TPPP2: variants seen among roughly 807,000 people sequenced by gnomAD.
TPPP2 encodes tubulin polymerization promoting protein family member 2, also known as tubulin polymerization-promoting protein family member 2.
A neutral mutation model predicts 13.0 loss-of-function variants in TPPP2; 8 were observed. The ratio of observed to expected loss-of-function variants is 0.62; its 90% CI spans 0.36 to 1.11. The LOEUF (loss-of-function observed/expected upper bound fraction) is 1.11, where lower values mean the gene tolerates loss of function less well. Among genes scored for constraint, TPPP2 ranks in the 50% most tolerant of loss-of-function variants. The pLI is 0.02. For synonymous variants in TPPP2, 81 were observed against 81.8 expected (o/e 0.99, Z 0.05); for missense variants, 213 against 216.9 (o/e 0.98, Z 0.11).
chr14:21,031,822 G>A, intron 3 of TPPP2, 70 bp from the exon 4 acceptor site: 10 of 1,521,104 alleles, frequency 6.6e-6, no homozygotes, highest in Non-Finnish European at 8.9e-6. Context: ...AGTATCTCGG[G>A]CCATCTTTGG....
At chr14:21,029,118 G>C (rs1296638461), upstream of TPPP2, 1 of 152,168 alleles carries the variant, frequency 6.6e-6, no homozygotes, top group Non-Finnish European at 1.5e-5. Flanking sequence ...TATACTCCAA[G>C]GCTTGCTGGG....
upstream of TPPP2, chr14:21,028,587 T>C (rs2139065963): frequency 6.6e-6 from 1 of 152,270 alleles, no homozygotes; most frequent in African/African-American, 2.4e-5. Context: ...TATAGGTCCT[T>C]GAATGCTAAG....
chr14:21,033,634 C>G (rs1416359187), downstream of TPPP2: 15 of 612,080 alleles, frequency 2.5e-5, no homozygotes, highest in Middle Eastern at 7.1e-4. Flanking sequence ...CTGGAAAGAA[C>G]CTAGAAGATA....
At chr14:21,035,964 T>A, downstream of TPPP2, 1 of 400,884 alleles carries the variant, frequency 2.5e-6, no homozygotes. Flanking sequence ...ACACCATCTA[T>A]CTGTTTACGA....
rs770425629 is a variant in TPPP2, at chr14:21,030,728, C to T, written c.147C>T (p.Asp49=). ...IMDGKTVTST[D]VDIVFSKVKA... is the part of the protein sequence containing the mutation. ...ATGGCAAGACAGTCACCTCCACGGACGTGGACATCGTGTTCAGCAAAGTCA... is the reference window on the plus strand; with the variant it reads ...ATGGCAAGACAGTCACCTCCACGGATGTGGACATCGTGTTCAGCAAAGTCA... Residue 49 remains aspartate (D), a synonymous_variant, in exon 2 of 4, where the codon GAC becomes GAT. Coordinates refer to ENST00000321760, the MANE Select transcript of TPPP2 (RefSeq NM_173846.5). 3.8e-5 allele frequency: 61 copies of T among 1,613,974 alleles called. No homozygotes were observed. Among genetic ancestry groups the T allele is most frequent in the South Asian group, 5.5e-5 (5 of 91,070 alleles).
downstream of TPPP2, chr14:21,034,364 TC>T: frequency 9.7e-7 from 1 of 1,032,462 alleles, no homozygotes; most frequent in Non-Finnish European, 1.4e-6. Context: ...TCCCAGAGCC[TC>T]CAGCATTCCC....
At chr14:21,035,756 C>T (rs1469789730), downstream of TPPP2, 1 of 456,276 alleles carries the variant, frequency 2.2e-6, no homozygotes, top group South Asian at 1.5e-5. Flanking sequence ...AATCCATCCT[C>T]CCCATAACTT....
At chr14:21,032,961 A>G (rs1220067480), downstream of TPPP2, 2 of 455,970 alleles carry the variant, frequency 4.4e-6, no homozygotes, top group Non-Finnish European at 8.8e-6. Context: ...TTAGAAATTT[A>G]TGTTCGATTA....
intron 1 of TPPP2, 88 bp from the exon 2 acceptor site, chr14:21,030,425 G>T: frequency 2.7e-6 from 2 of 729,120 alleles, no homozygotes; most frequent in Non-Finnish European, 4.5e-6. Context: ...GGAGCTGGGA[G>T]GGAGAAAGGA....
rs1884315002 is a variant in TPPP2, at chr14:21,032,808, C to T, written c.*731C>T. 2.6e-6 allele frequency: 1 copy of T among 384,716 alleles called. No individual in the cohort carries two copies. 23.8% of individuals were successfully genotyped at this position (384,716 alleles called of 1,614,324 possible). A position where few individuals can be genotyped will look rare whatever the true frequency, so the allele number is the denominator to read the frequency against. ...TGAAGAAAAAGCAATTAAATCACAA[C>T]AGAGTCAGATGTGTGTTATTAACTT... On this transcript the variant is annotated 3_prime_UTR_variant, in exon 4 of 4. Coordinates refer to ENST00000321760, the MANE Select transcript of TPPP2 (RefSeq NM_173846.5).
chr14:21,024,949 G>C (rs2297062), intron 1 of TPPP2: 1 of 985,512 alleles, frequency 1.0e-6, no homozygotes, highest in Non-Finnish European at 1.2e-6. Context: ...AGCTCCAGGG[G>C]ACGCGGATCA....
intron 1 of TPPP2, chr14:21,024,888 T>G (rs891094332): frequency 6.1e-6 from 6 of 985,600 alleles, no homozygotes; most frequent in Non-Finnish European, 7.2e-6. Flanking sequence ...TCAGCCTTTG[T>G]GCGCAGCAAC....
At position 21,032,152 on chromosome 14, in the gene TPPP2, C is replaced by A; in HGVS notation, c.*75C>A. 6.8e-7 allele frequency: 1 copy of A among 1,480,376 alleles called. No homozygotes were observed. The highest frequency in any genetic ancestry group is 9.4e-7 in the Non-Finnish European group (1 of 1,065,266). The allele number at this position is 1,480,376 out of a possible 1,614,324, so 91.7% of individuals were successfully genotyped here. ...ACCAGGGAGCTTGGAAAACAATAAA[C>A]ATCTGTGTGTGCAGCAGCCAAAATC... On this transcript the variant is annotated 3_prime_UTR_variant, in exon 4 of 4. Coordinates refer to ENST00000321760, the MANE Select transcript of TPPP2 (RefSeq NM_173846.5).
At position 21,030,585 on chromosome 14, in the gene TPPP2, G is replaced by A. The variant is rs757325397; in HGVS notation, c.4G>A (p.Ala2Thr). 4 of 1,613,348 alleles carry A rather than the reference G, an allele frequency of 2.5e-6. No individual in the cohort carries two copies. The highest frequency in any genetic ancestry group is 2.2e-5 in the South Asian group (2 of 90,780). Residue 2 changes from alanine (A) to threonine (T), a missense_variant, in exon 2 of 4, where the codon GCA (alanine) becomes ACA (threonine). Ala to Thr is a moderately conservative substitution (Grantham distance 58). Transcript: ENST00000321760. Reference sequence around the variant, plus strand: ...CCTCCCCGACCTCTAGCTGACCATGGCATCAGAGGCAGAAAAAACATTCCA... The same window carrying A: ...CCTCCCCGACCTCTAGCTGACCATGACATCAGAGGCAGAAAAAACATTCCA... M[A>T]SEAEKTFHRF...
chr14:21,033,565 T>C (rs28532031), downstream of TPPP2: 632 of 539,250 alleles, frequency 1.2e-3, 3 homozygotes, highest in African/African-American at 0.011. Context: ...GGGTGGGTTT[T>C]ACTGTCTCTG....
chr14:21,035,401 G>A (rs1884553324), downstream of TPPP2, among the ~76,000 whole-genome samples: 1 of 152,170 alleles, frequency 6.6e-6, no homozygotes, highest in Non-Finnish European at 1.5e-5. Flanking sequence ...GCCATGCTGG[G>A]GAAAGGGCCA....
chr14:21,031,783 C>G (rs952391687), intron 3 of TPPP2, 109 bp from the exon 4 acceptor site: 41 of 1,263,100 alleles, frequency 3.2e-5, no homozygotes, highest in Middle Eastern at 2.4e-4. Flanking sequence ...ATGCCAGTGG[C>G]AGAGCAAGAG....
At chr14:21,033,888 A>G, downstream of TPPP2, 1 of 1,614,042 alleles carries the variant, frequency 6.2e-7, no homozygotes, top group Non-Finnish European at 8.5e-7. Context: ...GAGTAGGTAG[A>G]GCTTCTGGTT....
At chr14:21,034,880 C>T (rs1884516387), downstream of TPPP2, 1 of 153,028 alleles carries the variant, frequency 6.5e-6, no homozygotes, top group Admixed American at 6.5e-5. Flanking sequence ...ATCTGGTCTC[C>T]TCCTCTACAG....
Sources: gnomAD v4.1 joint callset for allele counts (sites outside exome capture counted in the v4.1 genomes callset) on GRCh38, gnomAD v4.1.1 for gene constraint, MANE v1.5 for transcripts, NCBI Gene and HGNC (gene_info 2026-07-23, HGNC 2026-07-21) for gene names.